The following NOL9 variants were observed in gnomAD, a reference collection of about 807,000 sequenced individuals.
NOL9 encodes the protein polynucleotide 5'-hydroxyl-kinase NOL9.
In NOL9, 28 loss-of-function variants were observed where a neutral mutation model predicts 67.9. The ratio of observed to expected loss-of-function variants is 0.41; its 90% CI spans 0.31 to 0.57. NOL9 has a LOEUF of 0.57. Among genes scored for constraint, NOL9 ranks in the 20% least tolerant of loss-of-function variants. NOL9 has a pLI of 0.25. For synonymous variants in NOL9, 356 were observed against 352.2 expected (o/e 1.01, Z -0.12); for missense variants, 777 against 897.0 (o/e 0.87, Z 1.71).
rs1284166136 is a variant in NOL9, at chr1:6,531,955, A to G, written c.1647+13T>C. The G allele has an allele frequency of 6.3e-7, 1 of 1,599,062 alleles. No homozygotes were observed. Among genetic ancestry groups the G allele is most frequent in the South Asian group, 1.1e-5 (1 of 90,730 alleles). ...ACAAAATGAAGACAATTTCTCCTGT[A>G]AGTTCAGATTACCTGATAGGGTGTC... On this transcript the variant is annotated intron_variant, in intron 9 of 11. Transcript: ENST00000377705.
At chr1:6,542,318 G>A (rs1309228292) in intron 5 of NOL9, among the ~76,000 whole-genome samples, 1 of 151,534 alleles carries the variant, frequency 6.6e-6, no homozygotes, top group Non-Finnish European at 1.5e-5. Flanking sequence ...CCACCACCAT[G>A]CCCGGCTAAT....
intron 5 of NOL9, among the ~76,000 whole-genome samples, chr1:6,543,201 CT>C (rs58473389): frequency 5.5e-5 from 8 of 145,048 alleles, no homozygotes; most frequent in African/African-American, 7.6e-5. Flanking sequence ...GCCTTTTTTT[CT>C]TTTTTTTTTT....
intron 5 of NOL9, among the ~76,000 whole-genome samples, chr1:6,542,295 G>A (rs916320954): frequency 2.0e-5 from 3 of 151,480 alleles, no homozygotes; most frequent in African/African-American, 7.3e-5. Context: ...GGAGTAGCTG[G>A]GACTACAGGC....
At chr1:6,539,310 A>G (rs927165812) in intron 6 of NOL9, among the ~76,000 whole-genome samples, 1 of 152,232 alleles carries the variant, frequency 6.6e-6, no homozygotes. Flanking sequence ...TATACACCTG[A>G]AAGAACTGAA....
chr1:6,553,666 C>T (rs1050284563), intron 1 of NOL9, among the ~76,000 whole-genome samples: 1 of 151,840 alleles, frequency 6.6e-6, no homozygotes, highest in South Asian at 2.1e-4. Context: ...ATGGCGAAAC[C>T]CCGTTTCTAC....
chr1:6,546,267 T>G (rs907122783), intron 3 of NOL9, among the ~76,000 whole-genome samples: 1 of 152,058 alleles, frequency 6.6e-6, no homozygotes, highest in African/African-American at 2.4e-5. Context: ...TGAAAATAAA[T>G]GAAAAAAGAA....
intron 4 of NOL9, 25 bp from the exon 5 acceptor site, chr1:6,544,947 G>A (rs765975954): frequency 2.5e-6 from 4 of 1,614,172 alleles, no homozygotes; most frequent in African/African-American, 1.3e-5. Context: ...AACATTGATC[G>A]CTAGAATTAG....
intron 6 of NOL9, among the ~76,000 whole-genome samples, chr1:6,536,238 C>T (rs1255344374): frequency 1.3e-5 from 2 of 150,454 alleles, no homozygotes; most frequent in Non-Finnish European, 3.0e-5. Context: ...CCCAGCTACT[C>T]GGGAGGCTGA....
Position 6,532,793 on chromosome 1 carries a change from ACTCAAGAACAGTGACGCG to A in NOL9, c.1238-51_1238-34del, listed in dbSNP as rs762047682. 5.2e-5 allele frequency: 81 copies of A among 1,571,074 alleles called. No homozygotes were observed. In the African/African-American group the frequency reaches 8.8e-4, roughly 17 times the overall value. ...GAAGAGACATTAGCACAGCTGATAC[ACTCAAGAACAGTGACGCG>A]CTCAAGAACAGTGACATGCTCCTAC... On this transcript the variant is annotated intron_variant, in intron 7 of 11. Coordinates refer to ENST00000377705, the MANE Select transcript of NOL9 (RefSeq NM_024654.5).
intron 6 of NOL9, among the ~76,000 whole-genome samples, chr1:6,540,124 C>CCTTTT (rs1553183458): frequency 1.9e-5 from 2 of 104,382 alleles, no homozygotes; most frequent in Non-Finnish European, 3.5e-5. Flanking sequence ...GAGAGTTATT[C>CCTTTT]TTTTTTTTTT....
At chr1:6,531,465 G>T (rs1202971378) in intron 9 of NOL9, among the ~76,000 whole-genome samples, 1 of 151,864 alleles carries the variant, frequency 6.6e-6, no homozygotes, top group Non-Finnish European at 1.5e-5. Flanking sequence ...TGCCCGCCTT[G>T]GCCTCCCAAA....
rs1270090466 is a variant in NOL9, at chr1:6,554,139, C to T, written c.364G>A (p.Gly122Ser). ...LIPPVRPVGP[G>S]RALLLLPVEQ... The stretch of plus-strand genomic sequence containing the variant: ...ACCGGCAGCAGCAGCAACGCGCGGC[C>T]GGGGCCCACGGGCCGCACCGGTGGG... The change falls in exon 1 of 12, where the codon GGC becomes AGC. Residue 122 changes from glycine to serine, a missense_variant. Around this residue, in one of 2 missense-constraint regions of NOL9, gnomAD observed 364 missense variants for 344.4 expected, o/e 1.06. Coordinates refer to ENST00000377705, the MANE Select transcript of NOL9 (RefSeq NM_024654.5). 11 of 1,529,806 alleles carry T rather than the reference C, an allele frequency of 7.2e-6. No homozygotes were observed. The highest frequency in any genetic ancestry group is 1.4e-5 in the African/African-American group (1 of 70,370). 94.8% of individuals were successfully genotyped at this position (1,529,806 alleles called of 1,614,324 possible).
At chr1:6,527,438 G>A (rs951586903) in intron 10 of NOL9, among the ~76,000 whole-genome samples, 1 of 152,018 alleles carries the variant, frequency 6.6e-6, no homozygotes, top group African/African-American at 2.4e-5. Context: ...AATGAGGTCA[G>A]GAGTTTGCGA....
chr1:6,539,679 G>A (rs1639233326), intron 6 of NOL9, among the ~76,000 whole-genome samples: 1 of 151,964 alleles, frequency 6.6e-6, no homozygotes, highest in Admixed American at 6.6e-5. Context: ...ATAGGGACTG[G>A]GTTTCACCAT....
At chr1:6,531,858 G>A in intron 9 of NOL9, 110 bp downstream of exon 9, 1 of 801,616 alleles carries the variant, frequency 1.2e-6, no homozygotes, top group South Asian at 1.5e-5. Flanking sequence ...GATGTTCTGA[G>A]GATTAAATGA....
intron 3 of NOL9, among the ~76,000 whole-genome samples, chr1:6,546,728 C>T (rs1639428678): frequency 6.6e-6 from 1 of 152,162 alleles, no homozygotes; most frequent in African/African-American, 2.4e-5. Flanking sequence ...GGATCATTCC[C>T]ATCTGCCATG....
chr1:6,539,563 C>T (rs190571415), intron 6 of NOL9, among the ~76,000 whole-genome samples: 69 of 152,364 alleles, frequency 4.5e-4, no homozygotes, highest in Admixed American at 2.2e-3. Flanking sequence ...CAGCTCACTG[C>T]AGCCTCTACC....
intron 5 of NOL9, among the ~76,000 whole-genome samples, chr1:6,542,676 C>T (rs897798538): frequency 7.2e-5 from 11 of 151,944 alleles, no homozygotes; most frequent in African/African-American, 2.7e-4. Flanking sequence ...CCAGGATGGT[C>T]TCGATCTCCT....
chr1:6,548,884 C>T (rs1372952018), intron 3 of NOL9, among the ~76,000 whole-genome samples: 1 of 151,890 alleles, frequency 6.6e-6, no homozygotes, highest in Admixed American at 6.6e-5. Flanking sequence ...GAGTTTGAGA[C>T]CAACCTGGCC....
Sources: gnomAD v4.1 joint callset for allele counts (sites outside exome capture counted in the v4.1 genomes callset) on GRCh38, gnomAD v4.1.1 for gene constraint, gnomAD v4.1.1 regional missense constraint, MANE v1.5 for transcripts, NCBI Gene and HGNC (gene_info 2026-07-23, HGNC 2026-07-21) for gene names.